FER1L6: variants seen among roughly 807,000 people sequenced by gnomAD.
FER1L6 encodes fer-1-like protein 6.
FER1L6 carries 177 observed loss-of-function variants against 219.2 expected under a neutral mutation model. That is an observed-to-expected ratio of 0.81 (90% confidence interval 0.71 to 0.91). The LOEUF is 0.91. Ranked by LOEUF, FER1L6 falls within the 40% of genes least tolerant of loss-of-function variation. The pLI is 0.00. For synonymous variants in FER1L6, 768 were observed against 824.3 expected (o/e 0.93, Z 1.17); for missense variants, 2,153 against 2,259.9 (o/e 0.95, Z 0.96).
At chr8:123,859,595 C>A (rs1586424247) in intron 1 of FER1L6, among the ~76,000 whole-genome samples, 1 of 145,814 alleles carries the variant, frequency 6.9e-6, no homozygotes, top group South Asian at 2.2e-4. Flanking sequence ...TACATGTGCA[C>A]AATGTGCAGG....
At chr8:124,012,862 C>T (rs553192945) in intron 14 of FER1L6, among the ~76,000 whole-genome samples, 1 of 152,292 alleles carries the variant, frequency 6.6e-6, no homozygotes, top group East Asian at 1.9e-4. Context: ...TTCCTCCAGG[C>T]CACTAAATAG....
At chr8:123,975,753 G>A in intron 8 of FER1L6, 145 bp from the exon 9 acceptor site, 1 of 669,966 alleles carries the variant, frequency 1.5e-6, no homozygotes, top group Non-Finnish European at 2.5e-6. Flanking sequence ...ACACTATAAA[G>A]AAAACTCATT....
At chr8:124,119,077 C>T (rs1823372848) in intron 40 of FER1L6, 133 bp downstream of exon 40, 2 of 683,870 alleles carry the variant, frequency 2.9e-6, no homozygotes, top group East Asian at 2.7e-5. Flanking sequence ...TCAATTGGTG[C>T]TTTCCAACCT....
At chr8:124,084,394 C>A (rs1821701589) in intron 33 of FER1L6, among the ~76,000 whole-genome samples, 1 of 151,894 alleles carries the variant, frequency 6.6e-6, no homozygotes, top group Non-Finnish European at 1.5e-5. Context: ...AGCTGTGGGT[C>A]TGTTGTGTAT....
intron 15 of FER1L6, chr8:124,014,238 A>G (rs1379985763): frequency 2.0e-5 from 3 of 152,722 alleles, no homozygotes; most frequent in Non-Finnish European, 4.4e-5. Context: ...GAGGGACAGT[A>G]AATCACTAGG....
At chr8:123,874,677 A>T (rs1816974572) in intron 1 of FER1L6, among the ~76,000 whole-genome samples, 1 of 152,146 alleles carries the variant, frequency 6.6e-6, no homozygotes, top group African/African-American at 2.4e-5. Flanking sequence ...TTATTATCTA[A>T]GTCAATCCCC....
chr8:124,093,356 G>T (rs1172387419), intron 34 of FER1L6, among the ~76,000 whole-genome samples: 2 of 151,320 alleles, frequency 1.3e-5, no homozygotes, highest in East Asian at 4.0e-4. Context: ...TCCTATGTAT[G>T]GTTCAGTACT....
intron 1 of FER1L6, among the ~76,000 whole-genome samples, chr8:123,861,411 G>A (rs200416849): frequency 6.7e-6 from 1 of 148,502 alleles, no homozygotes; most frequent in South Asian, 2.1e-4. Context: ...GAAGTCAGGT[G>A]GTGTGATGCC....
chr8:123,895,843 G>A (rs1016900221), intron 1 of FER1L6, among the ~76,000 whole-genome samples: 1 of 152,178 alleles, frequency 6.6e-6, no homozygotes, highest in Non-Finnish European at 1.5e-5. Flanking sequence ...AACAAGATAC[G>A]CAGAGTCAAA....
At chr8:123,867,364 AG>A (rs1816853694) in intron 1 of FER1L6, among the ~76,000 whole-genome samples, 1 of 152,230 alleles carries the variant, frequency 6.6e-6, no homozygotes, top group Non-Finnish European at 1.5e-5. Flanking sequence ...GGGATGTCAA[AG>A]TCCAAGGTGG....
At chr8:124,003,594 G>T (rs1235402939) in intron 13 of FER1L6, among the ~76,000 whole-genome samples, 1 of 149,144 alleles carries the variant, frequency 6.7e-6, no homozygotes, top group Non-Finnish European at 1.5e-5. Context: ...TCAGCCTCCC[G>T]AGTATCTGGG....
rs182994876 is a variant in FER1L6 at position 123,882,351 on chromosome 8, C to A, written c.-8+30166C>A. On this transcript the variant is annotated intron_variant, in intron 1 of 40. Coordinates refer to ENST00000522917, the MANE Select transcript of FER1L6 (RefSeq NM_001039112.2). ...CTGATGTCCACCTGTCTTAGCAGCC[C>A]CTGCATAGATGAAATCGGAGTGATT... 8.1e-4 allele frequency among the ~76,000 whole-genome samples: 124 copies of A among 152,154 alleles called. 2 individuals are homozygous for A. The highest frequency in any genetic ancestry group is 2.9e-3 in the African/African-American group (119 of 41,524).
intron 1 of FER1L6, among the ~76,000 whole-genome samples, chr8:123,899,097 G>T (rs1317733059): frequency 1.3e-5 from 2 of 151,962 alleles, no homozygotes; most frequent in Non-Finnish European, 2.9e-5. Context: ...TTCCATTGTG[G>T]CTGTACTAGT....
chr8:123,948,438 G>A (rs1430430338), intron 1 of FER1L6, among the ~76,000 whole-genome samples: 1 of 152,188 alleles, frequency 6.6e-6, no homozygotes, highest in Non-Finnish European at 1.5e-5. Flanking sequence ...TCAAATTGGG[G>A]AAGTTTGACC....
intron 1 of FER1L6, among the ~76,000 whole-genome samples, chr8:123,906,808 GAAAA>G (rs11350871): frequency 1.5e-5 from 2 of 137,208 alleles, no homozygotes; most frequent in Non-Finnish European, 3.1e-5. Context: ...ATCTCCGGAA[GAAAA>G]AAAAAAAAAA....
intron 1 of FER1L6, among the ~76,000 whole-genome samples, chr8:123,882,550 G>A (rs573337633): frequency 8.5e-5 from 13 of 152,302 alleles, no homozygotes; most frequent in African/African-American, 2.9e-4. Flanking sequence ...CGTTGATCAG[G>A]ATAGACAAGA....
chr8:124,022,694 T>C (rs2130637233), intron 17 of FER1L6, among the ~76,000 whole-genome samples: 1 of 152,340 alleles, frequency 6.6e-6, no homozygotes, highest in East Asian at 1.9e-4. Context: ...ATTTTTGTTT[T>C]TGTTGTTTCA....
At position 124,023,455 on chromosome 8, in the gene FER1L6, T is replaced by C; in HGVS notation, c.2145T>C (p.Thr715=). 6.2e-7 allele frequency: 1 copy of C among 1,614,020 alleles called. No individual in the cohort carries two copies. Among genetic ancestry groups the C allele is most frequent in the Non-Finnish European group, 8.5e-7 (1 of 1,179,930 alleles). The change falls in exon 18 of 41, where the codon ACT becomes ACC. Residue 715 remains threonine, a synonymous_variant. Transcript: ENST00000522917. The stretch of plus-strand genomic sequence containing the variant: ...CTCTATTCCCACAGCCCCAGCACAC[T>C]ATCCCTGACGTTTTCATCTGGATGC... The part of the protein sequence containing the change: ...IRFLVDEPQH[T]IPDVFIWMLS...
chr8:124,004,094 C>G (rs1044407428), intron 13 of FER1L6: 3 of 111,818 alleles, frequency 2.7e-5, no homozygotes, highest in African/African-American at 6.7e-5. Flanking sequence ...TTGACACAGT[C>G]ATTTGCAAAA....
Sources: gnomAD v4.1 joint callset for allele counts (sites outside exome capture counted in the v4.1 genomes callset) on GRCh38, gnomAD v4.1.1 for gene constraint, MANE v1.5 for transcripts, NCBI Gene and HGNC (gene_info 2026-07-23, HGNC 2026-07-21) for gene names.